LRMDA: variants seen among roughly 807,000 people sequenced by gnomAD.
LRMDA encodes the protein leucine rich melanocyte differentiation associated, also known as leucine-rich melanocyte differentiation-associated protein.
Under a neutral mutation model 29.8 loss-of-function variants are expected in LRMDA, and 18 were observed. That is an observed-to-expected ratio of 0.60 (90% CI 0.42 to 0.90). The LOEUF (loss-of-function observed/expected upper bound fraction) is 0.90. Ranked by LOEUF, LRMDA falls within the 40% of genes least tolerant of loss-of-function variation. The probability of loss-of-function intolerance (pLI) is 0.00; values close to 1 mark genes in which losing one functional copy is unlikely to be tolerated. For missense variants in LRMDA, 273 were observed against 273.9 expected, an observed-to-expected ratio of 1.00 and a Z score of 0.02; for synonymous variants, 125 against 109.4, an observed-to-expected ratio of 1.14 and a Z score of -0.89.
intron 2 of LRMDA, chr10:75,450,744 G>A (rs1017014700): frequency 6.6e-6 from 1 of 152,166 alleles, no homozygotes; most frequent in Non-Finnish European, 1.5e-5. Context: ...TAACTGTCAG[G>A]CCCAAACACA....
At chr10:75,920,315 T>G (rs1364860755) in intron 2 of LRMDA, among the ~76,000 whole-genome samples, 1 of 152,120 alleles carries the variant, frequency 6.6e-6, no homozygotes. Context: ...TGACTTACAG[T>G]ATAGTAATGT....
intron 2 of LRMDA, among the ~76,000 whole-genome samples, chr10:75,633,506 G>C (rs1323821470): frequency 6.6e-6 from 1 of 152,196 alleles, no homozygotes; most frequent in Admixed American, 6.5e-5. Context: ...GTCAAGTTTA[G>C]TGATGTTTTT....
At chr10:76,345,361 C>A (rs1023795515) in intron 6 of LRMDA, among the ~76,000 whole-genome samples, 1 of 150,588 alleles carries the variant, frequency 6.6e-6, no homozygotes, top group Admixed American at 6.6e-5. Flanking sequence ...CGTGAGCCAC[C>A]GCGCCCGGCC....
chr10:76,120,777 C>T (rs140753477), intron 5 of LRMDA, among the ~76,000 whole-genome samples: 4 of 151,238 alleles, frequency 2.6e-5, no homozygotes, highest in African/African-American at 7.3e-5. Flanking sequence ...GTAAAATTAG[C>T]TCTGGAACTG....
chr10:76,366,811 G>A (rs187601507), intron 6 of LRMDA, among the ~76,000 whole-genome samples: 2 of 152,276 alleles, frequency 1.3e-5, no homozygotes, highest in Non-Finnish European at 2.9e-5. Flanking sequence ...CAGTGAGAAT[G>A]GGCATCCTTG....
At chr10:75,705,135 C>T (rs1024905281) in intron 2 of LRMDA, among the ~76,000 whole-genome samples, 1 of 152,194 alleles carries the variant, frequency 6.6e-6, no homozygotes, top group Non-Finnish European at 1.5e-5. Flanking sequence ...GAACGAGACA[C>T]AGTGTGTTAT....
intron 2 of LRMDA, among the ~76,000 whole-genome samples, chr10:75,801,444 G>A (rs976397049): frequency 6.6e-6 from 1 of 152,190 alleles, no homozygotes; most frequent in Admixed American, 6.5e-5. Context: ...ACCCAATATG[G>A]TTCTCTTCTT....
intron 2 of LRMDA, among the ~76,000 whole-genome samples, chr10:75,964,071 C>T (rs1016093716): frequency 6.6e-6 from 1 of 151,864 alleles, no homozygotes; most frequent in Non-Finnish European, 1.5e-5. Context: ...TTGTTTTTTT[C>T]ACGTTCATAT....
chr10:76,436,210 C>G (rs1413145139), intron 6 of LRMDA, among the ~76,000 whole-genome samples: 2 of 152,182 alleles, frequency 1.3e-5, no homozygotes. Context: ...GAAATAGAGG[C>G]TGGCTCCCGC....
intron 2 of LRMDA, among the ~76,000 whole-genome samples, chr10:75,956,591 C>A (rs1334998664): frequency 1.3e-5 from 2 of 152,152 alleles, no homozygotes; most frequent in African/African-American, 4.8e-5. Context: ...GTTCAGGGTC[C>A]TCTAATGCCC....
At chr10:75,619,032 C>A (rs564540488) in intron 2 of LRMDA, among the ~76,000 whole-genome samples, 3 of 152,020 alleles carry the variant, frequency 2.0e-5, no homozygotes, top group African/African-American at 7.3e-5. Flanking sequence ...CTCCTGACCT[C>A]GTGATCTGCC....
intron 2 of LRMDA, among the ~76,000 whole-genome samples, chr10:75,981,361 T>G (rs1388712678): frequency 6.6e-6 from 1 of 152,232 alleles, no homozygotes; most frequent in Non-Finnish European, 1.5e-5. Context: ...ATTGCTGACT[T>G]GGGCAAACAC....
intron 2 of LRMDA, among the ~76,000 whole-genome samples, chr10:75,931,535 T>C (rs1846205421): frequency 6.6e-6 from 1 of 152,118 alleles, no homozygotes; most frequent in Admixed American, 6.6e-5. Flanking sequence ...CAATAGAAGA[T>C]GGGATTGCCA....
intron 2 of LRMDA, among the ~76,000 whole-genome samples, chr10:75,633,753 C>T (rs1272102417): frequency 6.6e-6 from 1 of 151,898 alleles, no homozygotes; most frequent in Non-Finnish European, 1.5e-5. Flanking sequence ...GTAGTGTAGA[C>T]TGAGTTGATG....
chr10:76,507,920 A>C (rs1842975167), intron 6 of LRMDA, among the ~76,000 whole-genome samples: 1 of 152,188 alleles, frequency 6.6e-6, no homozygotes, highest in South Asian at 2.1e-4. Context: ...TTTTCAAATC[A>C]GGCAGTGTAA....
chr10:75,538,306 T>C (rs1208309075), intron 2 of LRMDA, among the ~76,000 whole-genome samples: 1 of 152,148 alleles, frequency 6.6e-6, no homozygotes, highest in African/African-American at 2.4e-5. Context: ...GGTGCAGCGA[T>C]TTGGCCGAGT....
intron 6 of LRMDA, among the ~76,000 whole-genome samples, chr10:76,511,216 A>C (rs1332207555): frequency 6.6e-6 from 1 of 152,082 alleles, no homozygotes; most frequent in Non-Finnish European, 1.5e-5. Context: ...GGAAACACCC[A>C]AGCTTTTCTA....
Position 76,506,683 on chromosome 10 carries a change from T to C in LRMDA, c.602-50526T>C, listed in dbSNP as rs11001802. Among the ~76,000 whole-genome samples the C allele has an allele frequency of 1.1e-3, 169 of 152,148 alleles. 2 individuals are homozygous for C. The East Asian group carries it at 0.015, about 13-fold the overall frequency. ...TATTCTACTTTTTAGCTCCATGGCA[T>C]AAGTATTTTTTAGTTCCCACATATG... On this transcript the variant is annotated intron_variant, in intron 6 of 6. Coordinates refer to ENST00000611255, the MANE Select transcript of LRMDA (RefSeq NM_001305581.2).
chr10:75,745,960 T>C (rs1842885515), intron 2 of LRMDA, among the ~76,000 whole-genome samples: 1 of 152,222 alleles, frequency 6.6e-6, no homozygotes, highest in African/African-American at 2.4e-5. Context: ...AGGTATCACA[T>C]TATCTCAAGG....
Sources: gnomAD v4.1 joint callset for allele counts (sites outside exome capture counted in the v4.1 genomes callset) on GRCh38, gnomAD v4.1.1 for gene constraint, MANE v1.5 for transcripts, NCBI Gene and HGNC (gene_info 2026-07-23, HGNC 2026-07-21) for gene names.